Variants in LRRIQ1 observed in about 807,000 individuals in gnomAD.
The protein encoded by LRRIQ1 is leucine rich repeats and IQ motif containing 1, also known as leucine-rich repeat- and IQ domain-containing protein 1.
A neutral mutation model predicts 211.9 loss-of-function variants in LRRIQ1; 210 were observed. That is an observed-to-expected ratio of 0.99 (90% confidence interval 0.89 to 1.11). The LOEUF (loss-of-function observed/expected upper bound fraction) is 1.11, where lower values mean the gene tolerates loss of function less well. Ranked by LOEUF, LRRIQ1 falls within the 50% of genes most tolerant of loss-of-function variation. The probability of loss-of-function intolerance (pLI) is 0.00; values close to 1 mark genes in which losing one functional copy is unlikely to be tolerated. For synonymous variants in LRRIQ1, 699 were observed against 650.1 expected (o/e 1.08, Z -1.14); for missense variants, 2,136 against 1,939.5 (o/e 1.10, Z -1.90).
At chr12:85,134,990 C>A (rs2136527019) in intron 18 of LRRIQ1, among the ~76,000 whole-genome samples, 1 of 152,110 alleles carries the variant, frequency 6.6e-6, no homozygotes, top group African/African-American at 2.4e-5. Context: ...ACATTACCAA[C>A]CTTAAAAATA....
chr12:85,045,931 A>G lies in LRRIQ1; in HGVS notation c.337-89A>G, dbSNP rs1294265924. The G allele has an allele frequency of 3.4e-5, 20 of 589,456 alleles. No individual in the cohort carries two copies. The Admixed American group carries it at 6.2e-4, about 18-fold the overall frequency. 36.5% of individuals were successfully genotyped at this position (589,456 alleles called of 1,614,324 possible). A position where few individuals can be genotyped will look rare whatever the true frequency, so the allele number is the denominator to read the frequency against. The stretch of plus-strand genomic sequence containing the variant: ...GAGTACATTAAAATTCTTGGTATAT[A>G]CATATAAATATTTAATGTATTATTA... On this transcript the variant is annotated intron_variant, in intron 4 of 26. Transcript: ENST00000393217.
At chr12:85,105,228 G>A (rs902893585) in intron 14 of LRRIQ1, among the ~76,000 whole-genome samples, 8 of 151,538 alleles carry the variant, frequency 5.3e-5, no homozygotes, top group African/African-American at 9.7e-5. Flanking sequence ...TAATTTTTTC[G>A]TTATTTTTGT....
intron 26 of LRRIQ1, among the ~76,000 whole-genome samples, chr12:85,233,654 A>T (rs1895052882): frequency 6.6e-6 from 1 of 152,220 alleles, no homozygotes; most frequent in African/African-American, 2.4e-5. Context: ...CTGAAAGAGA[A>T]GCAAATATTA....
At chr12:85,167,408 G>A (rs1175472368) in intron 24 of LRRIQ1, among the ~76,000 whole-genome samples, 1 of 152,138 alleles carries the variant, frequency 6.6e-6, no homozygotes, top group Non-Finnish European at 1.5e-5. Flanking sequence ...AACCTCAAAA[G>A]TAGGGAAGCC....
intron 24 of LRRIQ1, among the ~76,000 whole-genome samples, chr12:85,205,968 G>A (rs1156807495): frequency 6.6e-6 from 1 of 152,128 alleles, no homozygotes; most frequent in Non-Finnish European, 1.5e-5. Flanking sequence ...TGGTTCTCTG[G>A]CCCCTCAGGG....
chr12:85,195,254 A>G (rs908432290), intron 24 of LRRIQ1, among the ~76,000 whole-genome samples: 1 of 151,908 alleles, frequency 6.6e-6, no homozygotes, highest in African/African-American at 2.4e-5. Flanking sequence ...ACAAGGAGGA[A>G]CTGGTACCAT....
At chr12:85,177,564 CCATT>C (rs1248949532) in intron 24 of LRRIQ1, among the ~76,000 whole-genome samples, 1 of 151,962 alleles carries the variant, frequency 6.6e-6, no homozygotes, top group Non-Finnish European at 1.5e-5. Context: ...TTAGCCTGGG[CCATT>C]CAAAGAACTG....
chr12:85,146,824 C>T (rs1889923249), intron 19 of LRRIQ1, among the ~76,000 whole-genome samples: 2 of 151,648 alleles, frequency 1.3e-5, no homozygotes, highest in South Asian at 4.1e-4. Context: ...CCAGGCTGTA[C>T]CTTGTTTAAT....
chr12:85,116,896 T>C lies in LRRIQ1; in HGVS notation c.3378-4801T>C, dbSNP rs185089145. On this transcript the variant is annotated intron_variant, in intron 15 of 26. Transcript: ENST00000393217. Reference sequence around the variant, plus strand: ...ACATGATCTCGTTCTTTTTTTTTTTTTATGGCTGCATATATTCCATGGTGT... The same window carrying C: ...ACATGATCTCGTTCTTTTTTTTTTTCTATGGCTGCATATATTCCATGGTGT... 2.7e-5 allele frequency among the ~76,000 whole-genome samples: 4 copies of C among 149,006 alleles called. No individual in the cohort carries two copies. In the East Asian group the frequency reaches 7.8e-4, roughly 29 times the overall value.
downstream of LRRIQ1, among the ~76,000 whole-genome samples, chr12:85,267,341 G>A (rs1363637590): frequency 6.6e-6 from 1 of 151,890 alleles, no homozygotes; most frequent in East Asian, 1.9e-4. Context: ...ATGGAATTAT[G>A]AGGACATTGT....
chr12:85,206,637 G>A (rs540916505), intron 24 of LRRIQ1, among the ~76,000 whole-genome samples: 3 of 152,146 alleles, frequency 2.0e-5, no homozygotes, highest in South Asian at 4.1e-4. Context: ...AGGAGAGTGA[G>A]GTTGGAGAGG....
intron 1 of LRRIQ1, among the ~76,000 whole-genome samples, chr12:85,253,458 G>A (rs1896006029): frequency 6.6e-6 from 1 of 152,018 alleles, no homozygotes; most frequent in African/African-American, 2.4e-5. Flanking sequence ...ACCAGCACCT[G>A]TTATTTAGAA....
At chr12:85,038,096 A>G (rs975307537) in intron 1 of LRRIQ1, 57 bp from the exon 2 acceptor site, 2 of 1,195,982 alleles carry the variant, frequency 1.7e-6, no homozygotes, top group Non-Finnish European at 2.2e-6. Flanking sequence ...TTGGTATGAC[A>G]AATTAGAGAA....
rs199563413 is a variant in LRRIQ1, at chr12:85,047,297, C to T, written c.505C>T (p.Gln169Ter). The T allele has an allele frequency of 6.2e-7, 1 of 1,608,924 alleles. No homozygotes were observed. Among genetic ancestry groups the T allele is most frequent in the African/African-American group, 1.3e-5 (1 of 74,500 alleles). The change falls in exon 6 of 27, where the codon CAG becomes TAG. Residue 169 changes from glutamine (Q) to a stop codon, truncating the protein, a stop_gained. Coordinates refer to ENST00000393217, the MANE Select transcript of LRRIQ1 (RefSeq NM_001079910.2). LOFTEE classifies it high-confidence loss of function. ...CTGTGAAGTGGAAGAAAAATGTAGA[C>T]AGTCTTTTGAGGCTTGGCAAGAGAA... ...GYCEVEEKCR[Q>*]SFEAWQEKQK...
At chr12:85,200,728 A>G (rs1026798070) in intron 24 of LRRIQ1, among the ~76,000 whole-genome samples, 2 of 152,180 alleles carry the variant, frequency 1.3e-5, no homozygotes, top group African/African-American at 4.8e-5. Context: ...AGTTCTGTTT[A>G]TGTGATGAAT....
At chr12:85,225,405 C>T (rs947626432) in intron 24 of LRRIQ1, among the ~76,000 whole-genome samples, 2 of 152,092 alleles carry the variant, frequency 1.3e-5, no homozygotes, top group African/African-American at 4.8e-5. Flanking sequence ...CAAGTAAATG[C>T]CTTTAAATAT....
chr12:85,047,627 T>C (rs1879789539), intron 6 of LRRIQ1, 157 bp downstream of exon 6: 2 of 595,428 alleles, frequency 3.4e-6, no homozygotes, highest in East Asian at 3.0e-5. Context: ...GTATTTAATA[T>C]GAGGTCCTTG....
chr12:85,245,128 T>C, downstream of LRRIQ1: 1 of 1,033,708 alleles, frequency 9.7e-7, no homozygotes, highest in Non-Finnish European at 1.3e-6. Flanking sequence ...TTATTTTAAT[T>C]GTATTTGGGG....
At chr12:85,135,286 A>G (rs925279926) in intron 18 of LRRIQ1, among the ~76,000 whole-genome samples, 3 of 151,782 alleles carry the variant, frequency 2.0e-5, no homozygotes, top group African/African-American at 7.3e-5. Flanking sequence ...GTAAATTGAT[A>G]CTAAGATCTA....
Sources: allele counts gnomAD v4.1 joint callset (sites outside exome capture counted in the v4.1 genomes callset), GRCh38; gene constraint gnomAD v4.1.1; transcripts MANE v1.5; gene names NCBI Gene and HGNC (gene_info 2026-07-23, HGNC 2026-07-21).